The following PPP2R2D variants were observed in gnomAD, a reference collection of about 807,000 sequenced individuals.
The protein encoded by PPP2R2D is protein phosphatase 2 regulatory subunit Bdelta.
A neutral mutation model predicts 31.1 loss-of-function variants in PPP2R2D; 9 were observed. The ratio of observed to expected loss-of-function variants is 0.29; its 90% CI spans 0.17 to 0.51. The LOEUF (loss-of-function observed/expected upper bound fraction) is 0.51, where lower values mean the gene tolerates loss of function less well. PPP2R2D is among the 20% of genes least tolerant of loss of function. The pLI, the probability that PPP2R2D is intolerant of heterozygous loss-of-function variation, is 0.98. For synonymous variants in PPP2R2D, 179 were observed against 172.6 expected, an observed-to-expected ratio of 1.04 and a Z score of -0.29; for missense variants, 391 against 465.6, an observed-to-expected ratio of 0.84 and a Z score of 1.48.
chr10:131,934,965 A>G, intron 3 of PPP2R2D: 1 of 455,952 alleles, frequency 2.2e-6, no homozygotes, highest in Non-Finnish European at 4.4e-6. Context: ...CCTGCAGAGA[A>G]GTCTGGCAGG....
At chr10:131,952,955 C>G (rs1384154762) in intron 8 of PPP2R2D, among the ~76,000 whole-genome samples, 1 of 76,208 alleles carries the variant, frequency 1.3e-5, no homozygotes, top group Admixed American at 2.0e-4. Flanking sequence ...TTATCAGTGA[C>G]TTGCGAGTGT....
chr10:131,954,467 G>C (rs1422830549), intron 8 of PPP2R2D, among the ~76,000 whole-genome samples: 2 of 152,236 alleles, frequency 1.3e-5, no homozygotes, highest in Non-Finnish European at 2.9e-5. Flanking sequence ...CAACTTGGCT[G>C]CATACCCCTG....
chr10:131,907,342 G>A (rs2035608920), intron 2 of PPP2R2D, among the ~76,000 whole-genome samples: 1 of 152,076 alleles, frequency 6.6e-6, no homozygotes, highest in Non-Finnish European at 1.5e-5. Context: ...GCATCCTCTG[G>A]GGAAGGCCAT....
chr10:131,916,491 C>T (rs1379074309), intron 2 of PPP2R2D, among the ~76,000 whole-genome samples: 2 of 152,218 alleles, frequency 1.3e-5, no homozygotes, highest in African/African-American at 4.8e-5. Flanking sequence ...CCCAAAACAA[C>T]TTCCTCATTA....
intron 8 of PPP2R2D, among the ~76,000 whole-genome samples, chr10:131,949,300 C>T (rs1240034185): frequency 6.6e-6 from 1 of 152,142 alleles, no homozygotes; most frequent in Non-Finnish European, 1.5e-5. Flanking sequence ...GTAAACACAC[C>T]TGCACTTTGA....
chr10:131,966,148 C>G, the PPP2R2D span, among the ~76,000 whole-genome samples: 1 of 152,216 alleles, frequency 6.6e-6, no homozygotes, highest in African/African-American at 2.4e-5. Flanking sequence ...GCCGACTCCT[C>G]TCTCTTGCAG....
intron 2 of PPP2R2D, among the ~76,000 whole-genome samples, chr10:131,903,929 T>A (rs1262797975): frequency 3.9e-5 from 6 of 152,128 alleles, no homozygotes; most frequent in African/African-American, 1.4e-4. Flanking sequence ...GGTGGCTGGG[T>A]ACGGTGACTC....
At chr10:131,940,937 C>A in intron 5 of PPP2R2D, 1 of 385,502 alleles carries the variant, frequency 2.6e-6, no homozygotes, top group Non-Finnish European at 4.6e-6. Context: ...GGGGAAAACT[C>A]ATATTTAATT....
chr10:131,927,016 G>T (rs964760958), intron 2 of PPP2R2D, among the ~76,000 whole-genome samples: 4 of 152,246 alleles, frequency 2.6e-5, no homozygotes, highest in Non-Finnish European at 5.9e-5. Context: ...CCAAAGAGCT[G>T]CCTAGCTTGG....
At chr10:131,949,800 A>G (rs1301482033) in intron 8 of PPP2R2D, among the ~76,000 whole-genome samples, 1 of 96,916 alleles carries the variant, frequency 1.0e-5, no homozygotes, top group South Asian at 5.0e-4. Flanking sequence ...AGAAATGACA[A>G]GTATGATACA....
intron 2 of PPP2R2D, among the ~76,000 whole-genome samples, chr10:131,903,094 T>G (rs2035527916): frequency 6.6e-6 from 1 of 152,122 alleles, no homozygotes. Flanking sequence ...ATAAGCTGAA[T>G]GAATTAAAAT....
intron 1 of PPP2R2D, 31 bp downstream of exon 1, chr10:131,901,186 A>T: frequency 3.2e-6 from 1 of 314,470 alleles, no homozygotes; most frequent in Non-Finnish European, 5.7e-6. Context: ...GGCGGGGACC[A>T]CGGGGGCGGG....
the PPP2R2D span, chr10:131,967,968 GC>G: frequency 6.6e-6 from 1 of 152,564 alleles, no homozygotes; most frequent in African/African-American, 2.4e-5. Context: ...TGAGTTTGTA[GC>G]TCTATCTTGG....
chr10:131,914,646 G>C (rs2035744261), intron 2 of PPP2R2D, among the ~76,000 whole-genome samples: 1 of 152,202 alleles, frequency 6.6e-6, no homozygotes. Context: ...GAGTAAGAGT[G>C]TTCTGGGCCC....
chr10:131,956,557 T>C lies in PPP2R2D; in HGVS notation c.*594T>C, dbSNP rs2036804040. On this transcript the variant is annotated 3_prime_UTR_variant, in exon 9 of 9. Coordinates refer to ENST00000455566, the MANE Select transcript of PPP2R2D (RefSeq NM_018461.5). ...AAGTGTTTTTAAATCCAAACAGAAG[T>C]ATTGTCTTTTTATTTAATTTTATTG... The C allele has an allele frequency of 1.0e-6, 1 of 984,926 alleles. No individual in the cohort carries two copies. Among genetic ancestry groups the C allele is most frequent in the Non-Finnish European group, 1.2e-6 (1 of 829,642 alleles). 61.0% of individuals were successfully genotyped at this position (984,926 alleles called of 1,614,324 possible). A position where few individuals can be genotyped will look rare whatever the true frequency, so the allele number is the denominator to read the frequency against.
At chr10:131,910,804 G>T (rs1332765299) in intron 2 of PPP2R2D, among the ~76,000 whole-genome samples, 4 of 152,216 alleles carry the variant, frequency 2.6e-5, no homozygotes, top group Non-Finnish European at 5.9e-5. Flanking sequence ...GGGACTTTCA[G>T]CCCCGATCCC....
downstream of PPP2R2D, among the ~76,000 whole-genome samples, chr10:131,962,858 G>C (rs1184198517): frequency 2.0e-5 from 3 of 152,170 alleles, no homozygotes; most frequent in African/African-American, 7.2e-5. Context: ...TGCTTGCCTT[G>C]GAGTTGTTAG....
intron 2 of PPP2R2D, among the ~76,000 whole-genome samples, chr10:131,931,761 A>C (rs2036232889): frequency 6.6e-6 from 1 of 152,322 alleles, no homozygotes; most frequent in African/African-American, 2.4e-5. Flanking sequence ...TTCAGCTGGC[A>C]GCTTCACTGT....
intron 8 of PPP2R2D, 34 bp from the exon 9 acceptor site, chr10:131,955,650 G>A (rs782607745): frequency 1.5e-6 from 2 of 1,371,894 alleles, no homozygotes; most frequent in Non-Finnish European, 1.9e-6. Context: ...TCCCCCCACT[G>A]AGGAGTGCTG....
Sources: allele counts gnomAD v4.1 joint callset (sites outside exome capture counted in the v4.1 genomes callset), GRCh38; gene constraint gnomAD v4.1.1; transcripts MANE v1.5; gene names NCBI Gene and HGNC (gene_info 2026-07-23, HGNC 2026-07-21).